Variants in PLAAT3 observed in about 807,000 individuals in gnomAD.
The protein encoded by PLAAT3 is phospholipase A and acyltransferase 3.
A neutral mutation model predicts 16.7 loss-of-function variants in PLAAT3; 21 were observed. That is an observed-to-expected ratio of 1.26 (90% CI 0.89 to 1.81). The LOEUF is 1.81. PLAAT3 is among the 40% of genes most tolerant of loss of function. The probability of loss-of-function intolerance (pLI) is 0.00; values close to 1 mark genes in which losing one functional copy is unlikely to be tolerated. For synonymous variants in PLAAT3, 76 were observed against 81.7 expected, an observed-to-expected ratio of 0.93 and a Z score of 0.38; for missense variants, 219 against 213.7, an observed-to-expected ratio of 1.02 and a Z score of -0.16.
At position 63,590,047 on chromosome 11, in the gene PLAAT3, A is replaced by T. The variant is rs1212917555; in HGVS notation, c.387+53T>A. On this transcript the variant is annotated intron_variant, in intron 4 of 4. Coordinates refer to ENST00000415826, the MANE Select transcript of PLAAT3 (RefSeq NM_001128203.2). Reference sequence around the variant, plus strand: ...TCCATAGCCATGCCCAGCCTCCGTCAGCAGAGGGAATGGTCTGGTTCCTGG... The same window carrying T: ...TCCATAGCCATGCCCAGCCTCCGTCTGCAGAGGGAATGGTCTGGTTCCTGG... 2.6e-6 allele frequency: 4 copies of T among 1,566,700 alleles called. No individual in the cohort carries two copies. In the African/African-American group the frequency reaches 5.4e-5, roughly 21 times the overall value.
chr11:63,583,618 G>T (rs1320276537), intron 4 of PLAAT3, among the ~76,000 whole-genome samples: 1 of 152,192 alleles, frequency 6.6e-6, no homozygotes, highest in African/African-American at 2.4e-5. Context: ...GCTACCTTCA[G>T]ATGCCATTGA....
At chr11:63,589,707 G>T (rs1317260983) in intron 4 of PLAAT3, among the ~76,000 whole-genome samples, 1 of 152,112 alleles carries the variant, frequency 6.6e-6, no homozygotes, top group Non-Finnish European at 1.5e-5. Flanking sequence ...ACTCAACAAA[G>T]ATTTTTTTGA....
At chr11:63,576,484 G>A (rs1337816767) in intron 4 of PLAAT3, among the ~76,000 whole-genome samples, 1 of 152,164 alleles carries the variant, frequency 6.6e-6, no homozygotes, top group African/African-American at 2.4e-5. Flanking sequence ...AGCCAGGCCT[G>A]GTGACACGTG....
upstream of PLAAT3, among the ~76,000 whole-genome samples, chr11:63,615,102 A>G (rs12790804): frequency 1.1e-3 from 75 of 69,736 alleles, 10 homozygotes; most frequent in African/African-American, 3.4e-3. Flanking sequence ...ATATATGTGT[A>G]TATATGTGTG....
chr11:63,591,730 C>T (rs374798140), intron 3 of PLAAT3, among the ~76,000 whole-genome samples: 1 of 152,206 alleles, frequency 6.6e-6, no homozygotes. Context: ...GAAAAGGGCA[C>T]GTGAAGCTTG....
chr11:63,592,986 G>C (rs1590690811), intron 3 of PLAAT3, among the ~76,000 whole-genome samples: 1 of 152,158 alleles, frequency 6.6e-6, no homozygotes, highest in Admixed American at 6.5e-5. Context: ...TCACTGACCT[G>C]ATGGTCTGTG....
At chr11:63,576,245 C>T (rs1377914294) in intron 4 of PLAAT3, among the ~76,000 whole-genome samples, 1 of 152,168 alleles carries the variant, frequency 6.6e-6, no homozygotes, top group Non-Finnish European at 1.5e-5. Flanking sequence ...CCTACACCCA[C>T]CCCCACTCAC....
intron 3 of PLAAT3, among the ~76,000 whole-genome samples, chr11:63,596,382 G>A (rs1938289754): frequency 6.6e-6 from 1 of 151,876 alleles, no homozygotes; most frequent in Non-Finnish European, 1.5e-5. Context: ...TTAGCACCAG[G>A]GACTGGTTTT....
At chr11:63,610,366 A>T (rs1457833440) in intron 2 of PLAAT3, among the ~76,000 whole-genome samples, 1 of 152,206 alleles carries the variant, frequency 6.6e-6, no homozygotes, top group East Asian at 1.9e-4. Flanking sequence ...TTCATTGTTA[A>T]GCCTAGCCTG....
chr11:63,615,732 C>T (rs1768032396), upstream of PLAAT3, among the ~76,000 whole-genome samples: 1 of 150,876 alleles, frequency 6.6e-6, no homozygotes, highest in Admixed American at 6.6e-5. Context: ...TGCAGTGGCT[C>T]TATCTCAGCT....
At chr11:63,588,600 G>C (rs1938047184) in intron 4 of PLAAT3, among the ~76,000 whole-genome samples, 1 of 152,134 alleles carries the variant, frequency 6.6e-6, no homozygotes, top group African/African-American at 2.4e-5. Flanking sequence ...GTTGAAGCCA[G>C]ACCATGACCA....
chr11:63,578,270 AAGACTC>A (rs1937683871), intron 4 of PLAAT3, among the ~76,000 whole-genome samples: 1 of 151,940 alleles, frequency 6.6e-6, no homozygotes. Flanking sequence ...ACAACAGAGC[AAGACTC>A]AGTCTCAAAA....
chr11:63,591,890 G>A (rs899623600), intron 3 of PLAAT3, among the ~76,000 whole-genome samples: 19 of 152,330 alleles, frequency 1.2e-4, no homozygotes, highest in Non-Finnish European at 2.5e-4. Context: ...AAGTTGCCTA[G>A]AGCCCAAAGT....
chr11:63,591,341 C>T (rs1189102342), intron 3 of PLAAT3, among the ~76,000 whole-genome samples: 2 of 152,088 alleles, frequency 1.3e-5, no homozygotes, highest in Admixed American at 6.6e-5. Context: ...GAGATTGCGC[C>T]GCTGCACTCC....
At chr11:63,607,066 T>A (rs1035051454) in intron 2 of PLAAT3, among the ~76,000 whole-genome samples, 2 of 152,120 alleles carry the variant, frequency 1.3e-5, no homozygotes, top group African/African-American at 4.8e-5. Context: ...CTGGATCTCC[T>A]TTGAAGCTGC....
At chr11:63,593,069 C>T (rs1316329494) in intron 3 of PLAAT3, among the ~76,000 whole-genome samples, 1 of 152,220 alleles carries the variant, frequency 6.6e-6, no homozygotes, top group Non-Finnish European at 1.5e-5. Flanking sequence ...CACACACCTG[C>T]TCAGTGCAGC....
chr11:63,578,607 A>T (rs991186797), intron 4 of PLAAT3, among the ~76,000 whole-genome samples: 129 of 152,158 alleles, frequency 8.5e-4, no homozygotes, highest in Admixed American at 6.4e-3. Context: ...ACCTGACAAA[A>T]ACAAGAAATG....
intron 4 of PLAAT3, among the ~76,000 whole-genome samples, chr11:63,576,535 A>G (rs1565245112): frequency 1.3e-5 from 2 of 152,212 alleles, no homozygotes; most frequent in South Asian, 4.1e-4. Context: ...GCAGAAAAAA[A>G]TCACTTGAAC....
At chr11:63,595,782 G>C (rs1388853526) in intron 3 of PLAAT3, among the ~76,000 whole-genome samples, 1 of 152,102 alleles carries the variant, frequency 6.6e-6, no homozygotes, top group African/African-American at 2.4e-5. Flanking sequence ...TAAGTTAAAG[G>C]CTTAAGAGAA....
Sources: allele counts gnomAD v4.1 joint callset (sites outside exome capture counted in the v4.1 genomes callset), GRCh38; gene constraint gnomAD v4.1.1; transcripts MANE v1.5; gene names NCBI Gene and HGNC (gene_info 2026-07-23, HGNC 2026-07-21).